SCUBE3: variants seen among roughly 807,000 people sequenced by gnomAD.
SCUBE3 encodes the protein signal peptide, CUB domain and EGF like domain containing 3, also known as signal peptide, CUB and EGF-like domain-containing protein 3.
Under a neutral mutation model 116.8 loss-of-function variants are expected in SCUBE3, and 33 were observed. The ratio of observed to expected loss-of-function variants is 0.28; its 90% CI spans 0.21 to 0.38. The LOEUF (loss-of-function observed/expected upper bound fraction) is 0.38. Ranked by LOEUF, SCUBE3 falls within the 10% of genes least tolerant of loss-of-function variation. The pLI is 1.00. For synonymous variants in SCUBE3, 418 were observed against 496.9 expected (o/e 0.84, Z 2.11); for missense variants, 1,007 against 1,324.8 (o/e 0.76, Z 3.72).
intron 3 of SCUBE3, among the ~76,000 whole-genome samples, chr6:35,229,626 A>C (rs572084964): frequency 1.2e-4 from 18 of 152,220 alleles, no homozygotes; most frequent in African/African-American, 4.3e-4. Flanking sequence ...TGCAATCTCC[A>C]GTCTCACCCT....
chr6:35,228,093 T>A lies in SCUBE3; in HGVS notation c.208+391T>A, dbSNP rs35723291. 2.4e-3 allele frequency among the ~76,000 whole-genome samples: 359 copies of A among 152,334 alleles called. 3 individuals are homozygous for A. Among genetic ancestry groups the A allele is most frequent in the African/African-American group, 8.3e-3 (345 of 41,568 alleles). The stretch of plus-strand genomic sequence containing the variant: ...TTCATAATGTAAACACATCTTCCCC[T>A]CATAATTAAATCAATGCAAATTAAA... On this transcript the variant is annotated intron_variant, in intron 2 of 21. Coordinates refer to ENST00000274938, the MANE Select transcript of SCUBE3 (RefSeq NM_152753.4). This position sits in a 1 kb window ranked among gnomAD's most constrained non-coding sequence, Gnocchi z 4.9.
At position 35,239,654 on chromosome 6, in the gene SCUBE3, A is replaced by G. The variant is rs1783946484; in HGVS notation, c.830-98A>G. On this transcript the variant is annotated intron_variant, in intron 7 of 21. Transcript: ENST00000274938. This position sits in a 1 kb window ranked among gnomAD's most constrained non-coding sequence, Gnocchi z 4.1. ...GAAGAGGCAGGCCCAGGACTCCTTG[A>G]TTTTTGCATGTCTCTGTCAGTGAGG... 1 of 1,174,432 alleles carries G rather than the reference A, an allele frequency of 8.5e-7. No homozygotes were observed. Among genetic ancestry groups the G allele is most frequent in the South Asian group, 1.3e-5 (1 of 74,228 alleles). The allele number at this position is 1,174,432 out of a possible 1,614,324, so 72.8% of individuals were successfully genotyped here.
rs1783638125 is a variant in SCUBE3, at chr6:35,233,550, CTCTT to C, written c.712+250_712+253del. Among the ~76,000 whole-genome samples, 1 of 152,218 alleles carries C rather than the reference CTCTT, an allele frequency of 6.6e-6. No homozygotes were observed. The highest frequency in any genetic ancestry group is 2.4e-5 in the African/African-American group (1 of 41,450). ...ACCCTGTTCCAGGAGCCTCACCACC[CTCTT>C]CATCCCAGGACAAAGTGTTGCCAAA... On this transcript the variant is annotated intron_variant, in intron 6 of 21. Coordinates refer to ENST00000274938, the MANE Select transcript of SCUBE3 (RefSeq NM_152753.4). This position sits in a 1 kb window ranked among gnomAD's most constrained non-coding sequence, Gnocchi z 5.7.
Position 35,233,394 on chromosome 6 carries a change from C to T in SCUBE3, c.712+93C>T. ...GGGAAGTGGAGGAGTGCATGGGGCCCAGGTGCTGGGCACAGAGGGACTGGT... is the reference window on the plus strand; with the variant it reads ...GGGAAGTGGAGGAGTGCATGGGGCCTAGGTGCTGGGCACAGAGGGACTGGT... On this transcript the variant is annotated intron_variant, in intron 6 of 21. Coordinates refer to ENST00000274938, the MANE Select transcript of SCUBE3 (RefSeq NM_152753.4). The surrounding 1 kb of genome is among the most constrained non-coding windows in gnomAD (Gnocchi z 5.7). 2.5e-6 allele frequency: 2 copies of T among 793,600 alleles called. No individual in the cohort carries two copies. Among genetic ancestry groups the T allele is most frequent in the Non-Finnish European group, 4.4e-6 (2 of 454,342 alleles). 49.2% of individuals were successfully genotyped at this position (793,600 alleles called of 1,614,324 possible).
Position 35,228,157 on chromosome 6 carries a change from G to A in SCUBE3, c.208+455G>A, listed in dbSNP as rs1275420919. 1.3e-5 allele frequency among the ~76,000 whole-genome samples: 2 copies of A among 152,192 alleles called. No individual in the cohort carries two copies. Among genetic ancestry groups the A allele is most frequent in the African/African-American group, 4.8e-5 (2 of 41,444 alleles). On this transcript the variant is annotated intron_variant, in intron 2 of 21. Coordinates refer to ENST00000274938, the MANE Select transcript of SCUBE3 (RefSeq NM_152753.4). The surrounding 1 kb of genome is among the most constrained non-coding windows in gnomAD (Gnocchi z 4.9). Reference sequence around the variant, plus strand: ...ATTAAATTTATGAGCTTCAGTGTTGGTGAGACTTTAGTGGACAGGGTACAC... The same window carrying A: ...ATTAAATTTATGAGCTTCAGTGTTGATGAGACTTTAGTGGACAGGGTACAC...
rs1784005685 is a variant in SCUBE3 at position 35,240,742 on chromosome 6, TC to T, written c.1069+255del. Among the ~76,000 whole-genome samples, 1 of 152,192 alleles carries T rather than the reference TC, an allele frequency of 6.6e-6. No homozygotes were observed. Among genetic ancestry groups the T allele is most frequent in the African/African-American group, 2.4e-5 (1 of 41,454 alleles). On this transcript the variant is annotated intron_variant, in intron 9 of 21. Coordinates refer to ENST00000274938, the MANE Select transcript of SCUBE3 (RefSeq NM_152753.4). The surrounding 1 kb of genome is among the most constrained non-coding windows in gnomAD (Gnocchi z 4.6). ...CTGTCCCTGAACCCCCACTCTCAGC[TC>T]CCAAATGACAGTCTCACTGGTTGGG...
At chr6:35,247,227 G>C (rs1784378188) in intron 21 of SCUBE3, among the ~76,000 whole-genome samples, 1 of 151,918 alleles carries the variant, frequency 6.6e-6, no homozygotes, top group Non-Finnish European at 1.5e-5. Context: ...CTGAGGTCAG[G>C]AGTTCCAGAC....
chr6:35,219,700 G>A lies in SCUBE3; in HGVS notation c.85+5197G>A, dbSNP rs3800386. ...GGAGTATCAGGATATGTGGGCATTG[G>A]GGGGAGGGCTGGGGAAGGGGAGTGC... is the stretch of plus-strand genomic sequence containing the variant. On this transcript the variant is annotated intron_variant, in intron 1 of 21. Coordinates refer to ENST00000274938, the MANE Select transcript of SCUBE3 (RefSeq NM_152753.4). This position sits in a 1 kb window ranked among gnomAD's most constrained non-coding sequence, Gnocchi z 4.7. Among the ~76,000 whole-genome samples, 6,269 of 152,230 alleles carry A rather than the reference G, an allele frequency of 0.041. 350 individuals are homozygous for A. The highest frequency in any genetic ancestry group is 0.3 in the East Asian group (1,543 of 5,164).
Position 35,235,582 on chromosome 6 carries a change from TG to T in SCUBE3, c.712+2284del, listed in dbSNP as rs1783736773. 1 of 702,906 alleles carries T rather than the reference TG, an allele frequency of 1.4e-6. No individual in the cohort carries two copies. The highest frequency in any genetic ancestry group is 2.4e-5 in the Admixed American group (1 of 42,126). The allele number at this position is 702,906 out of a possible 1,614,324, so 43.5% of individuals were successfully genotyped here. A position where few individuals can be genotyped will look rare whatever the true frequency, so the allele number is the denominator to read the frequency against. On this transcript the variant is annotated intron_variant, in intron 6 of 21. Transcript: ENST00000274938. This position sits in a 1 kb window ranked among gnomAD's most constrained non-coding sequence, Gnocchi z 4.5. ...GGGCTCCCACTAACTGCATGCCCAC[TG>T]GGCCCAGCCTGACTGGGCCCCAACT...
chr6:35,222,710 C>A (rs1783161414), intron 1 of SCUBE3: 1 of 152,250 alleles, frequency 6.6e-6, no homozygotes, highest in African/African-American at 2.4e-5. Context: ...ACTTCACCCC[C>A]ATTCTTTGTG....
At position 35,227,689 on chromosome 6, in the gene SCUBE3, C is replaced by G. The variant is rs1412960607; in HGVS notation, c.195C>G (p.Gly65=). ...GCAAGTCTGGCTACACAGGGGACGGCAAACACTGCAAAGGTGAGGCTGGAA... is the reference window on the plus strand; with the variant it reads ...GCAAGTCTGGCTACACAGGGGACGGGAAACACTGCAAAGGTGAGGCTGGAA... The part of the protein sequence containing the change: ...CICKSGYTGD[G]KHCKDVDECE... The change falls in exon 2 of 22, where the codon GGC becomes GGG. Residue 65 remains glycine (G), a synonymous_variant. Transcript: ENST00000274938. The G allele has an allele frequency of 6.2e-7, 1 of 1,614,100 alleles. No individual in the cohort carries two copies. Among genetic ancestry groups the G allele is most frequent in the South Asian group, 1.1e-5 (1 of 91,084 alleles).
Position 35,240,353 on chromosome 6 carries a change from C to T in SCUBE3, c.953-21C>T, listed in dbSNP as rs1325769902. ...AAGTGCTCCAAGACAGATTCAGTGG[C>T]TTGAATCTTTGCTCTTCCAGATATA... On this transcript the variant is annotated intron_variant, in intron 8 of 21. Transcript: ENST00000274938. This position sits in a 1 kb window ranked among gnomAD's most constrained non-coding sequence, Gnocchi z 4.6. The T allele has an allele frequency of 1.4e-6, 2 of 1,453,980 alleles. No homozygotes were observed. The highest frequency in any genetic ancestry group is 1.9e-6 in the Non-Finnish European group (2 of 1,047,598). 90.1% of individuals were successfully genotyped at this position (1,453,980 alleles called of 1,614,324 possible).
chr6:35,214,621 C>T lies in SCUBE3; in HGVS notation c.85+118C>T. On this transcript the variant is annotated intron_variant, in intron 1 of 21. Transcript: ENST00000274938. This position sits in a 1 kb window ranked among gnomAD's most constrained non-coding sequence, Gnocchi z 6.3. ...GGAGCGTGCTGCTGTCAGAACCCGG[C>T]TCTGTGCACCCGGACTCCCCGGCCA... 1.7e-6 allele frequency: 1 copy of T among 573,206 alleles called. No homozygotes were observed. The highest frequency in any genetic ancestry group is 2.6e-6 in the Non-Finnish European group (1 of 379,104). The allele number at this position is 573,206 out of a possible 1,614,324, so 35.5% of individuals were successfully genotyped here.
chr6:35,241,158 A>T lies in SCUBE3; in HGVS notation c.1087A>T (p.Ile363Phe). The T allele has an allele frequency of 6.3e-7, 1 of 1,599,820 alleles. No individual in the cohort carries two copies. The highest frequency in any genetic ancestry group is 8.6e-7 in the Non-Finnish European group (1 of 1,168,308). ...THCGDVDECS[I>F]NRGGCRFGCI... is the part of the protein sequence containing the mutation. ...TCCCCCAGATGTGGATGAATGCAGC[A>T]TCAACCGGGGAGGTTGCCGCTTTGG... The change falls in exon 10 of 22, where the codon ATC (isoleucine) becomes TTC (phenylalanine). Residue 363 changes from isoleucine to phenylalanine, a missense_variant. Physicochemically the swap from Ile to Phe is conservative, Grantham distance 21. Coordinates refer to ENST00000274938, the MANE Select transcript of SCUBE3 (RefSeq NM_152753.4). The surrounding 1 kb of genome is among the most constrained non-coding windows in gnomAD (Gnocchi z 4.1).
rs963911910 is a variant in SCUBE3, at chr6:35,249,710, A to G, written c.*1005A>G. On this transcript the variant is annotated 3_prime_UTR_variant, in exon 22 of 22. Coordinates refer to ENST00000274938, the MANE Select transcript of SCUBE3 (RefSeq NM_152753.4). ...GAAGCCAGCCTAGGCCTTGCCCTAC[A>G]GTTGTTTTTCCCTTGTAGCCCCAGC... The G allele has an allele frequency of 2.0e-5, 3 of 152,688 alleles. No individual in the cohort carries two copies. Among genetic ancestry groups the G allele is most frequent in the African/African-American group, 7.2e-5 (3 of 41,544 alleles). 9.5% of individuals were successfully genotyped at this position (152,688 alleles called of 1,614,324 possible). A position where few individuals can be genotyped will look rare whatever the true frequency, so the allele number is the denominator to read the frequency against.
At chr6:35,248,509 C>T in intron 21 of SCUBE3, 47 bp from the exon 22 acceptor site, 1 of 1,597,328 alleles carries the variant, frequency 6.3e-7, no homozygotes, top group Non-Finnish European at 8.6e-7. Flanking sequence ...TTTCTCTTTC[C>T]CACCCCCGAC....
chr6:35,242,368 C>A (rs374373419), intron 13 of SCUBE3, 48 bp downstream of exon 13: 4 of 1,285,730 alleles, frequency 3.1e-6, no homozygotes, highest in Non-Finnish European at 4.5e-6. Context: ...CCACTAAATC[C>A]TCCTTACCCC....
chr6:35,249,344 G>C lies in SCUBE3; in HGVS notation c.*639G>C, dbSNP rs1784472569. 1 of 152,540 alleles carries C rather than the reference G, an allele frequency of 6.6e-6. No homozygotes were observed. 9.4% of individuals were successfully genotyped at this position (152,540 alleles called of 1,614,324 possible). ...GTCTGCCTGGGGTCTACTCCATAAG[G>C]GTTTACAAATGGCCCACAACACTGA... On this transcript the variant is annotated 3_prime_UTR_variant, in exon 22 of 22. Coordinates refer to ENST00000274938, the MANE Select transcript of SCUBE3 (RefSeq NM_152753.4).
At position 35,242,740 on chromosome 6, in the gene SCUBE3, C is replaced by T; in HGVS notation, c.1653C>T (p.Thr551=). The change falls in exon 14 of 22, where the codon ACC becomes ACT. Residue 551 remains threonine (T), a synonymous_variant. Transcript: ENST00000274938. ...CAGGCAAAGAGGTCACAAGGCTCAC[C>T]CTGGAACTGGAGGCAGAGGTCAGAG... ...TPPGKEVTRL[T]LELEAEVRAE... is the part of the protein sequence containing the mutation. 1.2e-6 allele frequency: 2 copies of T among 1,614,048 alleles called. No homozygotes were observed. The highest frequency in any genetic ancestry group is 1.7e-6 in the Non-Finnish European group (2 of 1,179,914).
Sources: gnomAD v4.1 joint callset for allele counts (sites outside exome capture counted in the v4.1 genomes callset) on GRCh38, gnomAD v4.1.1 for gene constraint, Gnocchi (gnomAD v3.1) non-coding constraint, MANE v1.5 for transcripts, NCBI Gene and HGNC (gene_info 2026-07-23, HGNC 2026-07-21) for gene names.